Variants in PCLO observed in about 807,000 individuals in gnomAD.
PCLO encodes protein piccolo.
Under a neutral mutation model 427.5 loss-of-function variants are expected in PCLO, and 82 were observed. The observed-to-expected ratio is 0.19, with a 90% CI of 0.16 to 0.23. The LOEUF is 0.23. Among genes scored for constraint, PCLO ranks in the 10% least tolerant of loss-of-function variants. The pLI is 1.00. For missense variants in PCLO, 6,239 were observed against 6,115.9 expected (o/e 1.02, Z -0.67); for synonymous variants, 2,357 against 2,155.4 (o/e 1.09, Z -2.59).
At position 82,847,240 on chromosome 7, in the gene PCLO, T is replaced by C. The variant is rs1414144941; in HGVS notation, c.13662A>G (p.Gln4554=). Residue 4554 remains glutamine (Q), a synonymous_variant, in exon 11 of 25, where the codon CAA becomes CAG. Transcript: ENST00000333891. ...EQTGKLMEGM[Q]VLEWNGIPLT... is the part of the protein sequence containing the mutation. Reference sequence around the variant, plus strand: ...AGGGAATTCCATTCCATTCCAATACTTGCATCCCTAGAAAGACAAATTTGA... The same window carrying C: ...AGGGAATTCCATTCCATTCCAATACCTGCATCCCTAGAAAGACAAATTTGA... 56 of 1,570,188 alleles carry C rather than the reference T, an allele frequency of 3.6e-5. No homozygotes were observed. The highest frequency in any genetic ancestry group is 4.8e-5 in the Non-Finnish European group (55 of 1,149,882).
rs561593185 is a variant in PCLO, at chr7:82,954,876, T to C, written c.6077A>G (p.Gln2026Arg). Residue 2026 changes from glutamine (Q) to arginine (R), a missense_variant, in exon 5 of 25, where the codon CAG (glutamine) becomes CGG (arginine). Coordinates refer to ENST00000333891, the MANE Select transcript of PCLO (RefSeq NM_033026.6). ...ELESLHSVVP[Q>R]EDIVSSSFII... ...AAAAGAGCTTGAAACAATATCTTCC[T>C]GAGGCACAACAGAATGTAAGCTTTC... 5 of 1,613,932 alleles carry C rather than the reference T, an allele frequency of 3.1e-6. No individual in the cohort carries two copies. The Admixed American group carries it at 5.0e-5, about 16-fold the overall frequency.
chr7:83,009,651 A>G (rs1381796920), intron 3 of PCLO, among the ~76,000 whole-genome samples: 2 of 151,856 alleles, frequency 1.3e-5, no homozygotes, highest in Non-Finnish European at 2.9e-5. Context: ...TTCTTGATAT[A>G]AGCTATTGCC....
At chr7:82,778,564 T>G (rs1790803949) in intron 22 of PCLO, among the ~76,000 whole-genome samples, 1 of 152,194 alleles carries the variant, frequency 6.6e-6, no homozygotes, top group South Asian at 2.1e-4. Flanking sequence ...AGTTTAAAAT[T>G]TCTTTATTAT....
At chr7:82,940,243 T>C (rs1490216703) in intron 6 of PCLO, among the ~76,000 whole-genome samples, 1 of 152,026 alleles carries the variant, frequency 6.6e-6, no homozygotes, top group Non-Finnish European at 1.5e-5. Context: ...CCAGTAGAGG[T>C]TTTTCTAAAT....
rs758734496 is a variant in PCLO, at chr7:82,950,235, A to G, written c.10353T>C (p.Asp3451=). The G allele has an allele frequency of 3.3e-5, 53 of 1,612,572 alleles. 1 individual carries two copies. In the South Asian group the frequency reaches 5.2e-4, roughly 16 times the overall value. Residue 3451 remains aspartate, a synonymous_variant, in exon 6 of 25, where the codon GAT becomes GAC. Transcript: ENST00000333891. ...TACTCACATAGCTCCGATCTGTGGC[A>G]TCTTCGTCATCCGTTTGTACACCAC... is the stretch of plus-strand genomic sequence containing the variant. The part of the protein sequence containing the change: ...VDSGVQTDDE[D]ATDRSYVSRR...
chr7:82,977,938 A>T (rs944218783), intron 3 of PCLO, among the ~76,000 whole-genome samples: 1 of 152,060 alleles, frequency 6.6e-6, no homozygotes, highest in Non-Finnish European at 1.5e-5. Flanking sequence ...TGGATACCTT[A>T]GTCTTTTGTT....
chr7:83,065,841 G>A (rs1325498734), intron 3 of PCLO, among the ~76,000 whole-genome samples: 2 of 152,054 alleles, frequency 1.3e-5, no homozygotes, highest in Non-Finnish European at 2.9e-5. Flanking sequence ...AAACAGTTAG[G>A]TCAGTAGCTG....
chr7:83,150,007 G>A (rs549819168), intron 2 of PCLO, among the ~76,000 whole-genome samples: 83 of 152,144 alleles, frequency 5.5e-4, no homozygotes, highest in Non-Finnish European at 8.4e-4. Flanking sequence ...AAAAAATGGC[G>A]AGAAAACTTC....
chr7:82,983,568 C>T (rs1346321811), intron 3 of PCLO, among the ~76,000 whole-genome samples: 2 of 149,518 alleles, frequency 1.3e-5, no homozygotes, highest in South Asian at 4.2e-4. Context: ...ACAGATCTAG[C>T]TAAAATTATA....
intron 6 of PCLO, among the ~76,000 whole-genome samples, chr7:82,938,099 C>T (rs1413641836): frequency 1.3e-5 from 2 of 151,758 alleles, no homozygotes; most frequent in South Asian, 2.1e-4. Context: ...CATCATGGGC[C>T]GTGCTAGACA....
At position 82,925,601 on chromosome 7, in the gene PCLO, C is replaced by T. The variant is rs11982972; in HGVS notation, c.11113-8728G>A. 3.2e-3 allele frequency among the ~76,000 whole-genome samples: 491 copies of T among 152,120 alleles called. 2 individuals are homozygous for T. Among genetic ancestry groups the T allele is most frequent in the African/African-American group, 0.011 (472 of 41,518 alleles). On this transcript the variant is annotated intron_variant, in intron 6 of 24. Transcript: ENST00000333891. The stretch of plus-strand genomic sequence containing the variant: ...ACACAATACCATTAGTAATGTGTTG[C>T]CAAAATAGACCCATTATTAAGCACC...
At chr7:83,027,503 T>C (rs1788534330) in intron 3 of PCLO, among the ~76,000 whole-genome samples, 1 of 151,954 alleles carries the variant, frequency 6.6e-6, no homozygotes, top group South Asian at 2.1e-4. Flanking sequence ...CCAGATAGAT[T>C]CACAGCCAAA....
At chr7:82,925,631 C>T (rs973008524) in intron 6 of PCLO, among the ~76,000 whole-genome samples, 1 of 151,912 alleles carries the variant, frequency 6.6e-6, no homozygotes, top group Non-Finnish European at 1.5e-5. Context: ...AGCACCATCC[C>T]TCTATCCTCT....
At chr7:82,947,896 T>C (rs992936013) in intron 6 of PCLO, among the ~76,000 whole-genome samples, 12 of 152,132 alleles carry the variant, frequency 7.9e-5, no homozygotes, top group African/African-American at 2.2e-4. Flanking sequence ...AACTTGAGAC[T>C]CTTTTTTAGC....
chr7:82,853,366 C>T (rs1792717119), intron 10 of PCLO, among the ~76,000 whole-genome samples: 1 of 151,976 alleles, frequency 6.6e-6, no homozygotes, highest in Non-Finnish European at 1.5e-5. Context: ...CACTCTGTTT[C>T]CCTGATGTAC....
chr7:82,949,795 A>G lies in PCLO; in HGVS notation c.10793T>C (p.Ile3598Thr). The G allele has an allele frequency of 6.2e-7, 1 of 1,613,746 alleles. No individual in the cohort carries two copies. Among genetic ancestry groups the G allele is most frequent in the South Asian group, 1.1e-5 (1 of 91,056 alleles). ...TGCCCGGAGGTGAGATGAATAACCA[A>G]TCTCTAAAGGTGTTGGGCGTTTCTT... The part of the protein sequence containing the change: ...KDKKRPTPLE[I>T]GYSSHLRADS... The change falls in exon 6 of 25, where the codon ATT becomes ACT. Residue 3598 changes from isoleucine (I) to threonine (T), a missense_variant. By Grantham distance (89) the Ile-to-Thr change is moderately conservative (BLOSUM62 -1). Transcript: ENST00000333891.
intron 6 of PCLO, among the ~76,000 whole-genome samples, chr7:82,918,890 C>T (rs746978274): frequency 1.3e-4 from 20 of 151,886 alleles, no homozygotes; most frequent in Non-Finnish European, 2.5e-4. Context: ...TTGGTCACTA[C>T]CGGAAATTTT....
chr7:82,775,019 T>C (rs139262754), intron 22 of PCLO, among the ~76,000 whole-genome samples: 234 of 152,266 alleles, frequency 1.5e-3, no homozygotes, highest in African/African-American at 5.5e-3. Context: ...ATTTTTTTCA[T>C]TTAGTATGCA....
At chr7:82,884,569 G>T (rs565330096) in intron 9 of PCLO, among the ~76,000 whole-genome samples, 1 of 152,128 alleles carries the variant, frequency 6.6e-6, no homozygotes, top group Admixed American at 6.5e-5. Context: ...TAAGACAATT[G>T]CAAAATTAGA....
Sources: gnomAD v4.1 joint callset for allele counts (sites outside exome capture counted in the v4.1 genomes callset) on GRCh38, gnomAD v4.1.1 for gene constraint, MANE v1.5 for transcripts, NCBI Gene and HGNC (gene_info 2026-07-23, HGNC 2026-07-21) for gene names.